PDE8B: variants seen among roughly 807,000 people sequenced by gnomAD.
PDE8B encodes the protein high affinity cAMP-specific and IBMX-insensitive 3',5'-cyclic phosphodiesterase 8B.
Under a neutral mutation model 101.3 loss-of-function variants are expected in PDE8B, and 26 were observed. The ratio of observed to expected loss-of-function variants is 0.26; its 90% confidence interval spans 0.19 to 0.36. The LOEUF is 0.36. PDE8B is among the 10% of genes least tolerant of loss of function. PDE8B has a pLI of 1.00. For synonymous variants in PDE8B, 424 were observed against 429.3 expected (o/e 0.99, Z 0.15); for missense variants, 810 against 1,163.1 (o/e 0.70, Z 4.42).
chr5:77,300,299 G>C (rs1440243229), intron 1 of PDE8B, among the ~76,000 whole-genome samples: 3 of 152,206 alleles, frequency 2.0e-5, no homozygotes, highest in Non-Finnish European at 2.9e-5. Context: ...CTGTGAGTTT[G>C]AACCGTTTTT....
chr5:77,319,556 T>C (rs1259240994), intron 2 of PDE8B, among the ~76,000 whole-genome samples: 1 of 152,220 alleles, frequency 6.6e-6, no homozygotes, highest in African/African-American at 2.4e-5. Flanking sequence ...TTGAATTGAA[T>C]GTAAATGGAC....
In PDE8B at chr5:77,385,795, G is replaced by GTTTT. The variant is rs35717428; in HGVS notation, c.1168-14436_1168-14433dup. ...AGTTGTGCGGTTTTGAGTGAGTGAGGTTTTTTTTTTTTTTTTTTTTGAGAT... is the reference window on the plus strand; with the variant it reads ...AGTTGTGCGGTTTTGAGTGAGTGAGGTTTTTTTTTTTTTTTTTTTTTTTTGAGAT... On this transcript the variant is annotated intron_variant, in intron 10 of 21. Transcript: ENST00000264917. Among the ~76,000 whole-genome samples the GTTTT allele has an allele frequency of 2.9e-3, 316 of 107,964 alleles. 16 individuals are homozygous for GTTTT. Among genetic ancestry groups the GTTTT allele is most frequent in the East Asian group, 0.022 (81 of 3,642 alleles). The allele number at this position is 107,964 out of a possible 152,430, so 70.8% of individuals were successfully genotyped here. A position where few individuals can be genotyped will look rare whatever the true frequency, so the allele number is the denominator to read the frequency against.
At chr5:77,355,879 G>T (rs1012283643) in intron 10 of PDE8B, among the ~76,000 whole-genome samples, 1 of 152,126 alleles carries the variant, frequency 6.6e-6, no homozygotes, top group Non-Finnish European at 1.5e-5. Flanking sequence ...GTAAAATAGG[G>T]GCCAAGAAAC....
At position 77,291,917 on chromosome 5, in the gene PDE8B, A is replaced by G. The variant is rs565381244; in HGVS notation, c.340-20077A>G. On this transcript the variant is annotated intron_variant, in intron 1 of 21. Transcript: ENST00000264917. ...ATGCATTATTATGACTGTGACAGTG[A>G]CTAATCCCCCTATGACCCCAAAGCC... is the stretch of plus-strand genomic sequence containing the variant. 122 of 914,344 alleles carry G rather than the reference A, an allele frequency of 1.3e-4. No individual in the cohort carries two copies. In the African/African-American group the frequency reaches 1.7e-3, roughly 13 times the overall value. 56.6% of individuals were successfully genotyped at this position (914,344 alleles called of 1,614,324 possible). A position where few individuals can be genotyped will look rare whatever the true frequency, so the allele number is the denominator to read the frequency against.
chr5:77,367,657 A>G (rs1276209782), intron 10 of PDE8B, among the ~76,000 whole-genome samples: 1 of 151,490 alleles, frequency 6.6e-6, no homozygotes, highest in Non-Finnish European at 1.5e-5. Flanking sequence ...CAGCCTCCCA[A>G]GTAGCTGGGA....
At chr5:77,286,454 T>C (rs1270778611) in intron 1 of PDE8B, among the ~76,000 whole-genome samples, 2 of 152,224 alleles carry the variant, frequency 1.3e-5, no homozygotes, top group Non-Finnish European at 2.9e-5. Flanking sequence ...CATGCCGTGG[T>C]GTGACTGTGG....
chr5:77,379,881 G>A (rs1220388227), intron 10 of PDE8B, among the ~76,000 whole-genome samples: 1 of 152,166 alleles, frequency 6.6e-6, no homozygotes, highest in Non-Finnish European at 1.5e-5. Context: ...AATGAAGGGA[G>A]GGTCTCAAAT....
At chr5:77,195,011 A>C in the PDE8B span, among the ~76,000 whole-genome samples, 2 of 152,206 alleles carry the variant, frequency 1.3e-5, no homozygotes, top group Non-Finnish European at 2.9e-5. Context: ...AGGAACTGCC[A>C]AACTGTTCTC....
chr5:77,254,002 A>C (rs996046396), intron 1 of PDE8B, among the ~76,000 whole-genome samples: 2 of 152,056 alleles, frequency 1.3e-5, no homozygotes, highest in Non-Finnish European at 2.9e-5. Context: ...CTTTTCATTA[A>C]TATGGCCTAA....
intron 1 of PDE8B, among the ~76,000 whole-genome samples, chr5:77,283,115 A>G (rs925223038): frequency 6.6e-6 from 1 of 152,212 alleles, no homozygotes; most frequent in South Asian, 2.1e-4. Context: ...CGTCTTTTAC[A>G]TTATGTAAGT....
chr5:77,402,613 CAT>C (rs1792528776), intron 11 of PDE8B, among the ~76,000 whole-genome samples: 1 of 152,176 alleles, frequency 6.6e-6, no homozygotes, highest in Non-Finnish European at 1.5e-5. Context: ...TGTCTAAAGA[CAT>C]ATATGCAAAT....
At chr5:77,196,391 G>A in the PDE8B span, among the ~76,000 whole-genome samples, 1 of 152,124 alleles carries the variant, frequency 6.6e-6, no homozygotes, top group African/African-American at 2.4e-5. Flanking sequence ...TCTTCTGAGA[G>A]TTTTATAGTT....
chr5:77,264,540 G>T (rs536363139), intron 1 of PDE8B, among the ~76,000 whole-genome samples: 2 of 152,196 alleles, frequency 1.3e-5, no homozygotes, highest in Admixed American at 1.3e-4. Context: ...AGCTAGTCAG[G>T]ATATTTGATT....
intron 1 of PDE8B, among the ~76,000 whole-genome samples, chr5:77,222,278 G>A (rs888910300): frequency 6.6e-6 from 1 of 152,106 alleles, no homozygotes; most frequent in African/African-American, 2.4e-5. Flanking sequence ...ACGTGTGTGT[G>A]TATTTTCTGC....
chr5:77,177,591 G>T, the PDE8B span, among the ~76,000 whole-genome samples: 1 of 152,148 alleles, frequency 6.6e-6, no homozygotes, highest in Non-Finnish European at 1.5e-5. Context: ...TAAAGGAAGC[G>T]CATTACAGCT....
Position 77,375,969 on chromosome 5 carries a change from C to T in PDE8B, c.1167+22563C>T, listed in dbSNP as rs547751631. On this transcript the variant is annotated intron_variant, in intron 10 of 21. Coordinates refer to ENST00000264917, the MANE Select transcript of PDE8B (RefSeq NM_003719.5). ...GTGCAGTGGTGCAGTCTCGGCTCAC[C>T]GCAACCTCCGCCTCCCAGGTTCAAG... is the stretch of plus-strand genomic sequence containing the variant. 1.1e-3 allele frequency among the ~76,000 whole-genome samples: 158 copies of T among 147,616 alleles called. 1 individual carries two copies. Among genetic ancestry groups the T allele is most frequent in the African/African-American group, 3.7e-3 (144 of 39,302 alleles).
At chr5:77,107,583 T>C in the PDE8B span, among the ~76,000 whole-genome samples, 1 of 152,140 alleles carries the variant, frequency 6.6e-6, no homozygotes, top group East Asian at 1.9e-4. Flanking sequence ...TGAGAGAGGG[T>C]ATCCTTGCCT....
intron 1 of PDE8B, among the ~76,000 whole-genome samples, chr5:77,222,813 C>A (rs1334080867): frequency 6.6e-6 from 1 of 152,150 alleles, no homozygotes; most frequent in African/African-American, 2.4e-5. Context: ...AGCCAAGGAG[C>A]AGACAACTGT....
intron 10 of PDE8B, among the ~76,000 whole-genome samples, chr5:77,355,604 G>A: frequency 6.6e-6 from 1 of 152,200 alleles, no homozygotes. Flanking sequence ...GAGCCCTGTA[G>A]CTTTTTGCCA....
Sources: gnomAD v4.1 joint callset for allele counts (sites outside exome capture counted in the v4.1 genomes callset) on GRCh38, gnomAD v4.1.1 for gene constraint, MANE v1.5 for transcripts, NCBI Gene and HGNC (gene_info 2026-07-23, HGNC 2026-07-21) for gene names.